FNIP2: variants seen among roughly 807,000 people sequenced by gnomAD.
The protein encoded by FNIP2 is folliculin interacting protein 2, also known as folliculin-interacting protein 2.
FNIP2 carries 32 observed loss-of-function variants against 108.7 expected under a neutral mutation model. That is an observed-to-expected ratio of 0.29 (90% CI 0.22 to 0.40). The LOEUF is 0.40. FNIP2 is among the 10% of genes least tolerant of loss of function. FNIP2 has a pLI of 1.00. For missense variants in FNIP2, 1,202 were observed against 1,381.6 expected (o/e 0.87, Z 2.06); for synonymous variants, 480 against 496.7 (o/e 0.97, Z 0.45).
chr4:158,790,416 C>T (rs1776372865), intron 1 of FNIP2, among the ~76,000 whole-genome samples: 1 of 151,894 alleles, frequency 6.6e-6, no homozygotes, highest in African/African-American at 2.4e-5. Flanking sequence ...ATAAGGGATA[C>T]TCAACCTGTA....
At chr4:158,817,060 G>A (rs968180109) in intron 1 of FNIP2, among the ~76,000 whole-genome samples, 1 of 152,042 alleles carries the variant, frequency 6.6e-6, no homozygotes, top group Non-Finnish European at 1.5e-5. Context: ...GGATTCAAGC[G>A]ATCCTCCTGC....
rs917592901 is a variant in FNIP2 at position 158,826,183 on chromosome 4, T to C, written c.234+141T>C. 17 of 1,211,276 alleles carry C rather than the reference T, an allele frequency of 1.4e-5. No individual in the cohort carries two copies. The African/African-American group carries it at 2.1e-4, about 15-fold the overall frequency. The allele number at this position is 1,211,276 out of a possible 1,614,324, so 75.0% of individuals were successfully genotyped here. ...GGTTCAGAAGAAACATAAGCAAGCA[T>C]TGAATCCTTTAATCAAAGCCCTACC... On this transcript the variant is annotated intron_variant, in intron 2 of 16. Transcript: ENST00000264433.
At chr4:158,828,551 G>A (rs575802040) in intron 2 of FNIP2, among the ~76,000 whole-genome samples, 3 of 152,152 alleles carry the variant, frequency 2.0e-5, no homozygotes, top group Admixed American at 6.5e-5. Flanking sequence ...GGGAGGCACG[G>A]GTTGCAGTGA....
At chr4:158,770,379 T>C (rs1055475454) in intron 1 of FNIP2, among the ~76,000 whole-genome samples, 2 of 152,218 alleles carry the variant, frequency 1.3e-5, no homozygotes, top group Admixed American at 6.5e-5. Context: ...GGCCAAAATG[T>C]CTTGCAAAAA....
intron 1 of FNIP2, among the ~76,000 whole-genome samples, chr4:158,779,473 G>A (rs1023621922): frequency 2.0e-5 from 3 of 151,946 alleles, no homozygotes; most frequent in African/African-American, 7.2e-5. Flanking sequence ...ATATGCAAAT[G>A]TATGACCAAG....
intron 14 of FNIP2, among the ~76,000 whole-genome samples, chr4:158,884,514 G>A (rs1207339255): frequency 6.6e-6 from 1 of 152,172 alleles, no homozygotes. Context: ...TTTCCAGGGC[G>A]AGGGATGGAC....
At chr4:158,854,170 C>T (rs948327767) in intron 8 of FNIP2, among the ~76,000 whole-genome samples, 3 of 152,226 alleles carry the variant, frequency 2.0e-5, no homozygotes, top group African/African-American at 7.2e-5. Flanking sequence ...TTCTTTATTG[C>T]AATGTCCCCA....
At chr4:158,846,511 G>A (rs1427039015) in intron 7 of FNIP2, among the ~76,000 whole-genome samples, 2 of 152,006 alleles carry the variant, frequency 1.3e-5, no homozygotes, top group African/African-American at 4.8e-5. Context: ...CTAGGAGCCT[G>A]GACTCTTACT....
At chr4:158,857,069 C>T (rs1012080445) in intron 8 of FNIP2, among the ~76,000 whole-genome samples, 1 of 152,136 alleles carries the variant, frequency 6.6e-6, no homozygotes, top group Non-Finnish European at 1.5e-5. Flanking sequence ...GTGGCACTCT[C>T]TCCTACATTA....
At chr4:158,816,455 G>A (rs1393781442) in intron 1 of FNIP2, among the ~76,000 whole-genome samples, 2 of 152,158 alleles carry the variant, frequency 1.3e-5, no homozygotes, top group Admixed American at 6.5e-5. Flanking sequence ...ATAATAATGT[G>A]TTGACGGCTT....
rs1780734567 is a variant in FNIP2 at position 158,868,649 on chromosome 4, G to C, written c.2013G>C (p.Leu671Phe). ...GSSRLPSCEV[L>F]GAGMKMDQQA... ...CAAGACTTCCCAGCTGTGAAGTTTT[G>C]GGGGCAGGAATGAAGATGGACCAGC... is the stretch of plus-strand genomic sequence containing the variant. The change falls in exon 13 of 17, where the codon TTG becomes TTC. Residue 671 changes from leucine (L) to phenylalanine (F), a missense_variant. Coordinates refer to ENST00000264433, the MANE Select transcript of FNIP2 (RefSeq NM_020840.3). This position sits in a 1 kb window ranked among gnomAD's most constrained non-coding sequence, Gnocchi z 4.6. 1.2e-6 allele frequency: 2 copies of C among 1,614,006 alleles called. No individual in the cohort carries two copies. The highest frequency in any genetic ancestry group is 1.7e-6 in the Non-Finnish European group (2 of 1,179,898).
chr4:158,860,858 T>C (rs1387719615), intron 10 of FNIP2, among the ~76,000 whole-genome samples: 1 of 152,088 alleles, frequency 6.6e-6, no homozygotes, highest in African/African-American at 2.4e-5. Context: ...GGTTTCACCA[T>C]ATTGGCCAGA....
At chr4:158,845,512 C>T (rs1268166812) in intron 7 of FNIP2, among the ~76,000 whole-genome samples, 1 of 152,216 alleles carries the variant, frequency 6.6e-6, no homozygotes, top group Non-Finnish European at 1.5e-5. Flanking sequence ...TATCCTCCTG[C>T]CTCAGGCCAC....
At chr4:158,789,823 G>T (rs1445243500) in intron 1 of FNIP2, among the ~76,000 whole-genome samples, 1 of 21,640 alleles carries the variant, frequency 4.6e-5, no homozygotes, top group South Asian at 1.8e-3. Flanking sequence ...AAGGGTTGTG[G>T]TAGCCTGGCA....
At chr4:158,871,438 G>T (rs537609255) in intron 14 of FNIP2, 4 of 985,254 alleles carry the variant, frequency 4.1e-6, no homozygotes, top group East Asian at 1.1e-4. Flanking sequence ...AAAAGGCATT[G>T]CATGTTATCT....
At chr4:158,827,418 A>G (rs1419382704) in intron 2 of FNIP2, among the ~76,000 whole-genome samples, 1 of 152,220 alleles carries the variant, frequency 6.6e-6, no homozygotes, top group Non-Finnish European at 1.5e-5. Flanking sequence ...CAGAGCACTG[A>G]TAATGCTGGA....
chr4:158,798,642 G>T (rs907620297), intron 1 of FNIP2, among the ~76,000 whole-genome samples: 1 of 152,240 alleles, frequency 6.6e-6, no homozygotes, highest in Non-Finnish European at 1.5e-5. Context: ...TTGAAAAGAT[G>T]AAGTGAGTGG....
At chr4:158,840,736 A>G (rs1458762257) in intron 7 of FNIP2, among the ~76,000 whole-genome samples, 2 of 152,198 alleles carry the variant, frequency 1.3e-5, no homozygotes, top group Non-Finnish European at 2.9e-5. Context: ...TGAGTAGAGT[A>G]AGGTTCAGAG....
At chr4:158,889,019 A>G (rs1374226768) in intron 14 of FNIP2, among the ~76,000 whole-genome samples, 1 of 151,886 alleles carries the variant, frequency 6.6e-6, no homozygotes, top group African/African-American at 2.4e-5. Flanking sequence ...GCAAGACCCC[A>G]TCTCTACAAA....
Sources: gnomAD v4.1 joint callset for allele counts (sites outside exome capture counted in the v4.1 genomes callset) on GRCh38, gnomAD v4.1.1 for gene constraint, Gnocchi (gnomAD v3.1) non-coding constraint, MANE v1.5 for transcripts, NCBI Gene and HGNC (gene_info 2026-07-23, HGNC 2026-07-21) for gene names.